The following SCRN1 variants were observed in gnomAD, a reference collection of about 807,000 sequenced individuals.
The protein encoded by SCRN1 is secernin-1.
A neutral mutation model predicts 43.3 loss-of-function variants in SCRN1; 19 were observed. The observed-to-expected ratio is 0.44, with a 90% confidence interval of 0.31 to 0.64. The LOEUF is 0.64. SCRN1 is among the 30% of genes least tolerant of loss of function. The probability of loss-of-function intolerance (pLI) is 0.09; values close to 1 mark genes in which losing one functional copy is unlikely to be tolerated. For missense variants in SCRN1, 447 were observed against 524.1 expected (o/e 0.85, Z 1.44); for synonymous variants, 183 against 188.9 (o/e 0.97, Z 0.26).
rs1338441936 is a variant in SCRN1, at chr7:29,930,705, C to T, written c.906-4073G>A. Reference sequence around the variant, plus strand: ...CCTCAGGGCTGACTCTCAGACCAACCTTCAGAAAAGTCACCAAACCCTGGG... The same window carrying T: ...CCTCAGGGCTGACTCTCAGACCAACTTTCAGAAAAGTCACCAAACCCTGGG... On this transcript the variant is annotated intron_variant, in intron 6 of 7. Coordinates refer to ENST00000242059, the MANE Select transcript of SCRN1 (RefSeq NM_014766.5). Among the ~76,000 whole-genome samples the T allele has an allele frequency of 3.9e-5, 6 of 152,054 alleles. No individual in the cohort carries two copies. The East Asian group carries it at 7.8e-4, about 20-fold the overall frequency.
In SCRN1 at chr7:29,965,702, CTAATTATGGTATATATCACACTAT is replaced by C. The variant is rs988212451; in HGVS notation, c.159+3183_159+3206del. On this transcript the variant is annotated intron_variant, in intron 2 of 7. Transcript: ENST00000242059. The surrounding 1 kb of genome is among the most constrained non-coding windows in gnomAD (Gnocchi z 4.2). Reference sequence around the variant, plus strand: ...AGAGAGGTCAGAGCTGCCTTAGAGGCTAATTATGGTATATATCACACTATACTTATGTATGGAAGGGGACAGGAT... The same window carrying C: ...AGAGAGGTCAGAGCTGCCTTAGAGGCACTTATGTATGGAAGGGGACAGGAT... Among the ~76,000 whole-genome samples the C allele has an allele frequency of 1.3e-5, 2 of 152,000 alleles. No individual in the cohort carries two copies. The highest frequency in any genetic ancestry group is 4.8e-5 in the African/African-American group (2 of 41,344).
At chr7:29,929,595 G>T (rs534245669) in intron 6 of SCRN1, among the ~76,000 whole-genome samples, 1 of 152,358 alleles carries the variant, frequency 6.6e-6, no homozygotes, top group South Asian at 2.1e-4. Flanking sequence ...CCGCTGGGCG[G>T]AGCTACCTCC....
intron 1 of SCRN1, among the ~76,000 whole-genome samples, chr7:29,975,341 G>A (rs1032527850): frequency 6.6e-6 from 1 of 152,196 alleles, no homozygotes; most frequent in African/African-American, 2.4e-5. Context: ...TTCCTTGTTT[G>A]AGGCATAATT....
chr7:29,952,188 A>G (rs1423410817), intron 3 of SCRN1, among the ~76,000 whole-genome samples: 1 of 152,238 alleles, frequency 6.6e-6, no homozygotes, highest in African/African-American at 2.4e-5. Context: ...CAGCTGGAGA[A>G]CTTGTTAAAA....
At chr7:29,952,079 T>C (rs1787951956) in intron 3 of SCRN1, among the ~76,000 whole-genome samples, 1 of 152,208 alleles carries the variant, frequency 6.6e-6, no homozygotes, top group Admixed American at 6.5e-5. Flanking sequence ...CACACAGCAA[T>C]ACCTAGGGAG....
At chr7:29,989,951 A>T, upstream of SCRN1, 1 of 1,232,934 alleles carries the variant, frequency 8.1e-7, no homozygotes, top group Non-Finnish European at 1.0e-6. Flanking sequence ...ACCGTCGAGT[A>T]GGGAGGGGGC....
intron 4 of SCRN1, 113 bp downstream of exon 4, chr7:29,943,864 A>C: frequency 2.1e-6 from 2 of 971,170 alleles, no homozygotes; most frequent in Non-Finnish European, 3.2e-6. Flanking sequence ...TCCCACACAG[A>C]GAGGACCTGC....
chr7:29,974,494 A>G (rs1788749110), intron 1 of SCRN1, among the ~76,000 whole-genome samples: 1 of 152,168 alleles, frequency 6.6e-6, no homozygotes, highest in South Asian at 2.1e-4. Flanking sequence ...CAGAGCTCTC[A>G]TGAACCTGAG....
intron 1 of SCRN1, chr7:29,988,801 T>C (rs1789251398): frequency 6.6e-6 from 1 of 152,252 alleles, no homozygotes; most frequent in Non-Finnish European, 1.5e-5. Flanking sequence ...CAGGTAACAG[T>C]TTCCTTCGAT....
chr7:29,976,929 G>A (rs772711237), intron 1 of SCRN1, among the ~76,000 whole-genome samples: 33 of 152,218 alleles, frequency 2.2e-4, no homozygotes, highest in Non-Finnish European at 3.4e-4. Context: ...GCTGAGGAGG[G>A]AGGAAGCTGT....
rs956118105 is a variant in SCRN1 at position 29,983,646 on chromosome 7, G to A, written c.-2+5996C>T. 3.9e-5 allele frequency among the ~76,000 whole-genome samples: 6 copies of A among 152,206 alleles called. No individual in the cohort carries two copies. In the South Asian group the frequency reaches 1.2e-3, roughly 32 times the overall value. On this transcript the variant is annotated intron_variant, in intron 1 of 7. Coordinates refer to ENST00000242059, the MANE Select transcript of SCRN1 (RefSeq NM_014766.5). The stretch of plus-strand genomic sequence containing the variant: ...AAATCTGACAAAAAATGATCTTGAG[G>A]TCCATCTGCAAAGGATATGTGGGAT...
intron 4 of SCRN1, among the ~76,000 whole-genome samples, chr7:29,942,653 A>G (rs1787595251): frequency 6.6e-6 from 1 of 152,188 alleles, no homozygotes; most frequent in Admixed American, 6.5e-5. Flanking sequence ...TCTTAGTTCT[A>G]GAACTACTGT....
intron 3 of SCRN1, among the ~76,000 whole-genome samples, chr7:29,945,590 G>A (rs1787711261): frequency 6.6e-6 from 1 of 152,302 alleles, no homozygotes; most frequent in East Asian, 1.9e-4. Context: ...CTTGTGACCA[G>A]GAAAGTGGTC....
In SCRN1 at chr7:29,924,227, C is replaced by T. The variant is rs1786867366; in HGVS notation, c.1087-112G>A. 4.9e-6 allele frequency: 5 copies of T among 1,028,640 alleles called. No individual in the cohort carries two copies. In the South Asian group the frequency reaches 6.5e-5, roughly 13 times the overall value. The allele number at this position is 1,028,640 out of a possible 1,614,324, so 63.7% of individuals were successfully genotyped here. ...GCTTCCTGCTCAAGGTCCTGTCCTC[C>T]CCACACTCCGTTTCACACACGACTG... On this transcript the variant is annotated intron_variant, in intron 7 of 7. Coordinates refer to ENST00000242059, the MANE Select transcript of SCRN1 (RefSeq NM_014766.5).
At chr7:29,930,911 T>C (rs1787135347) in intron 6 of SCRN1, among the ~76,000 whole-genome samples, 1 of 152,176 alleles carries the variant, frequency 6.6e-6, no homozygotes, top group African/African-American at 2.4e-5. Context: ...GTTAAATCAA[T>C]GAGACCATGA....
intron 3 of SCRN1, among the ~76,000 whole-genome samples, chr7:29,952,446 CTG>C (rs1273330071): frequency 6.6e-6 from 1 of 152,146 alleles, no homozygotes; most frequent in Non-Finnish European, 1.5e-5. Context: ...TCCCAGCACT[CTG>C]AGAGGCTGAG....
chr7:29,958,443 C>G (rs1788205601), intron 2 of SCRN1, among the ~76,000 whole-genome samples: 2 of 152,282 alleles, frequency 1.3e-5, no homozygotes, highest in South Asian at 4.1e-4. Flanking sequence ...AAAATCCACC[C>G]ACCTTTACAA....
At chr7:29,956,425 C>A (rs1325795888) in intron 2 of SCRN1, among the ~76,000 whole-genome samples, 10 of 152,226 alleles carry the variant, frequency 6.6e-5, no homozygotes, top group Non-Finnish European at 1.3e-4. Context: ...ACACAGTGCT[C>A]TGGAGCTCTC....
chr7:29,936,176 C>T (rs1265390120), intron 6 of SCRN1, among the ~76,000 whole-genome samples: 1 of 152,228 alleles, frequency 6.6e-6, no homozygotes, highest in East Asian at 1.9e-4. Context: ...ATTCCCACAT[C>T]TCTCTGTCTC....
Sources: allele counts gnomAD v4.1 joint callset (sites outside exome capture counted in the v4.1 genomes callset), GRCh38; gene constraint gnomAD v4.1.1; non-coding constraint Gnocchi (gnomAD v3.1); transcripts MANE v1.5; gene names NCBI Gene and HGNC (gene_info 2026-07-23, HGNC 2026-07-21).